The following THAP12 variants were observed in gnomAD, a reference collection of about 807,000 sequenced individuals.
THAP12 encodes THAP domain containing 12, also known as 52 kDa repressor of the inhibitor of the protein kinase.
THAP12 carries 20 observed loss-of-function variants against 63.0 expected under a neutral mutation model. That is an observed-to-expected ratio of 0.32 (90% CI 0.22 to 0.46). The LOEUF (loss-of-function observed/expected upper bound fraction) is 0.46, where lower values mean the gene tolerates loss of function less well. Ranked by LOEUF, THAP12 falls within the 20% of genes least tolerant of loss-of-function variation. The pLI is 1.00. For synonymous variants in THAP12, 264 were observed against 328.4 expected (o/e 0.80, Z 2.12); for missense variants, 568 against 908.2 (o/e 0.63, Z 4.81).
chr11:76,351,260 A>C lies in THAP12; in HGVS notation c.1890T>G (p.Ser630Arg), dbSNP rs1565230308. ...ACAGCGTGTCAGGATTGGGTAAGTCACTTCTATACATGTCAGCATGGTGTT... is the reference window on the plus strand; with the variant it reads ...ACAGCGTGTCAGGATTGGGTAAGTCCCTTCTATACATGTCAGCATGGTGTT... ...SEEHHADMYR[S>R]DLPNPDTLSA... The change falls in exon 5 of 5, where the codon AGT (serine) becomes AGG (arginine). Residue 630 changes from serine to arginine, a missense_variant. Physicochemically the swap from Ser to Arg is moderately radical, Grantham distance 110. Coordinates refer to ENST00000260045, the MANE Select transcript of THAP12 (RefSeq NM_004705.4). 2 of 1,557,186 alleles carry C rather than the reference A, an allele frequency of 1.3e-6. No homozygotes were observed. The highest frequency in any genetic ancestry group is 2.7e-5 in the African/African-American group (2 of 73,446).
chr11:76,357,987 C>G (rs140841043), intron 3 of THAP12: 1 of 152,150 alleles, frequency 6.6e-6, no homozygotes, highest in East Asian at 1.9e-4. Flanking sequence ...CAATCACTGA[C>G]AAAACTACTG....
chr11:76,376,467 G>A (rs11603888), intron 1 of THAP12, among the ~76,000 whole-genome samples: 1,867 of 152,266 alleles, frequency 0.012, 19 homozygotes, highest in Non-Finnish European at 0.019. Flanking sequence ...CAGCCAAAGC[G>A]TCCAGAATCA....
intron 4 of THAP12, among the ~76,000 whole-genome samples, chr11:76,353,312 A>G (rs1033792581): frequency 6.6e-6 from 1 of 152,238 alleles, no homozygotes; most frequent in Non-Finnish European, 1.5e-5. Flanking sequence ...TATGCATCAC[A>G]TTACTCTCTG....
Position 76,351,866 on chromosome 11 carries a change from T to C in THAP12, c.1284A>G (p.Thr428=), listed in dbSNP as rs1946529317. Residue 428 remains threonine, a synonymous_variant, in exon 5 of 5, where the codon ACA becomes ACG. Transcript: ENST00000260045. ...ELKEICHSQW[T]GRHDAFEILV... ...AAATTTCAAAAGCATCATGCCTGCC[T>C]GTCCACTGAGAATGGCAGATTTCCT... is the stretch of plus-strand genomic sequence containing the variant. The C allele has an allele frequency of 6.2e-7, 1 of 1,602,396 alleles. No homozygotes were observed.
intron 3 of THAP12, chr11:76,356,576 A>C (rs193097120): frequency 1.3e-5 from 2 of 152,358 alleles, no homozygotes; most frequent in Non-Finnish European, 2.9e-5. Flanking sequence ...CATGCATTGA[A>C]AATGCTGGGG....
chr11:76,372,081 G>C (rs1332471983), intron 1 of THAP12, among the ~76,000 whole-genome samples: 1 of 152,032 alleles, frequency 6.6e-6, no homozygotes, highest in Non-Finnish European at 1.5e-5. Context: ...AAAGTGCTGG[G>C]ATTACAGGCG....
intron 1 of THAP12, among the ~76,000 whole-genome samples, chr11:76,377,309 C>T (rs1177319953): frequency 5.3e-5 from 8 of 152,166 alleles, no homozygotes; most frequent in Non-Finnish European, 1.2e-4. Flanking sequence ...GCAATTAACA[C>T]ATTCATCATG....
At chr11:76,368,637 T>C (rs1012242838) in intron 1 of THAP12, 1 of 152,186 alleles carries the variant, frequency 6.6e-6, no homozygotes, top group Admixed American at 6.5e-5. Context: ...TGCAGATACT[T>C]AAAGGTAGCT....
Position 76,352,675 on chromosome 11 carries a change from C to T in THAP12, c.475G>A (p.Glu159Lys). The change falls in exon 5 of 5, where the codon GAG (glutamate) becomes AAG (lysine). Residue 159 changes from glutamate (E) to lysine (K), a missense_variant. By Grantham distance (56) the Glu-to-Lys change is moderately conservative. Transcript: ENST00000260045. ...DEDILPLTLEEKENKEYLKSL... is the reference protein window; with the variant it reads ...DEDILPLTLEKKENKEYLKSL... ...TTTAGGTATTCTTTGTTTTCCTTCT[C>T]TTCAAGGGTTAGAGGTAAAATGTCC... 1 of 1,612,916 alleles carries T rather than the reference C, an allele frequency of 6.2e-7. No individual in the cohort carries two copies. The highest frequency in any genetic ancestry group is 8.5e-7 in the Non-Finnish European group (1 of 1,179,920).
At chr11:76,366,219 G>C (rs1460537904) in intron 1 of THAP12, among the ~76,000 whole-genome samples, 1 of 152,096 alleles carries the variant, frequency 6.6e-6, no homozygotes, top group African/African-American at 2.4e-5. Flanking sequence ...AAAATCATCA[G>C]CAGAACTAGA....
rs948697320 is a variant in THAP12 at position 76,350,493 on chromosome 11, T to C, written c.*371A>G. 38 of 158,336 alleles carry C rather than the reference T, an allele frequency of 2.4e-4. No individual in the cohort carries two copies. The highest frequency in any genetic ancestry group is 4.5e-4 in the Admixed American group (7 of 15,452). 9.8% of individuals were successfully genotyped at this position (158,336 alleles called of 1,614,324 possible). A position where few individuals can be genotyped will look rare whatever the true frequency, so the allele number is the denominator to read the frequency against. The stretch of plus-strand genomic sequence containing the variant: ...GGCTTCACTACAACATTTTATAAAA[T>C]GTATTCCTTCCTCCCACACCTCTTC... On this transcript the variant is annotated 3_prime_UTR_variant, in exon 5 of 5. Coordinates refer to ENST00000260045, the MANE Select transcript of THAP12 (RefSeq NM_004705.4).
chr11:76,373,943 A>G (rs1946691421), intron 1 of THAP12, among the ~76,000 whole-genome samples: 1 of 152,134 alleles, frequency 6.6e-6, no homozygotes, highest in African/African-American at 2.4e-5. Flanking sequence ...AAAAAATTGC[A>G]TTTTCCAAAA....
At chr11:76,367,702 C>T (rs1016293171) in intron 1 of THAP12, among the ~76,000 whole-genome samples, 6 of 152,122 alleles carry the variant, frequency 3.9e-5, no homozygotes, top group Non-Finnish European at 7.3e-5. Context: ...GGATTACAGG[C>T]GCGAGCCACT....
chr11:76,361,323 C>A, intron 2 of THAP12: 1 of 351,320 alleles, frequency 2.8e-6, no homozygotes, highest in Non-Finnish European at 5.2e-6. Context: ...TTTTGCATAT[C>A]TGTTTCTAAT....
At position 76,355,632 on chromosome 11, in the gene THAP12, A is replaced by G; in HGVS notation, c.341T>C (p.Leu114Pro). The G allele has an allele frequency of 3.1e-6, 5 of 1,595,590 alleles. No individual in the cohort carries two copies. Among genetic ancestry groups the G allele is most frequent in the Non-Finnish European group, 4.3e-6 (5 of 1,173,180 alleles). Residue 114 changes from leucine (L) to proline (P), a missense_variant, in exon 4 of 5, where the codon CTG becomes CCG. Leu to Pro is a moderately conservative substitution (Grantham distance 98, BLOSUM62 -3). Coordinates refer to ENST00000260045, the MANE Select transcript of THAP12 (RefSeq NM_004705.4). The stretch of plus-strand genomic sequence containing the variant: ...CTATCACTTACTTTTTTTCTGTTTC[A>G]GTGTCCTGATTTCATCTTCACTCTA... ...KELSEDEIRT[L>P]KQKKIDETSE...
At chr11:76,379,912 C>G (rs1278739808) in intron 1 of THAP12, among the ~76,000 whole-genome samples, 1 of 152,204 alleles carries the variant, frequency 6.6e-6, no homozygotes, top group Non-Finnish European at 1.5e-5. Flanking sequence ...CGTTGCTGCA[C>G]CTGTTCCCTT....
intron 2 of THAP12, 87 bp downstream of exon 2, chr11:76,365,765 T>G: frequency 1.4e-6 from 2 of 1,452,430 alleles, no homozygotes; most frequent in Non-Finnish European, 1.9e-6. Flanking sequence ...CCTTCCAACA[T>G]TGGTAAATAC....
intron 1 of THAP12, among the ~76,000 whole-genome samples, chr11:76,378,744 T>C (rs1946728919): frequency 6.6e-6 from 1 of 152,086 alleles, no homozygotes; most frequent in East Asian, 1.9e-4. Flanking sequence ...CCTGAGTAGC[T>C]GGACAGGCAC....
rs559211449 is a variant in THAP12 at position 76,367,760 on chromosome 11, T to G, written c.90-1788A>C. Among the ~76,000 whole-genome samples the G allele has an allele frequency of 1.5e-4, 23 of 152,332 alleles. No homozygotes were observed. The South Asian group carries it at 3.1e-3, about 21-fold the overall frequency. ...TTATAATTAAATCACAGTATTTTTTTTTTATGTTTTAACACTATTGTCCAC... is the reference window on the plus strand; with the variant it reads ...TTATAATTAAATCACAGTATTTTTTGTTTATGTTTTAACACTATTGTCCAC... On this transcript the variant is annotated intron_variant, in intron 1 of 4. Coordinates refer to ENST00000260045, the MANE Select transcript of THAP12 (RefSeq NM_004705.4).
Sources: gnomAD v4.1 joint callset for allele counts (sites outside exome capture counted in the v4.1 genomes callset) on GRCh38, gnomAD v4.1.1 for gene constraint, MANE v1.5 for transcripts, NCBI Gene and HGNC (gene_info 2026-07-23, HGNC 2026-07-21) for gene names.